Variants in DPP6 observed in about 807,000 individuals in gnomAD.
The protein encoded by DPP6 is A-type potassium channel modulatory protein DPP6.
A neutral mutation model predicts 122.6 loss-of-function variants in DPP6; 69 were observed. The ratio of observed to expected loss-of-function variants is 0.56; its 90% CI spans 0.46 to 0.69. The LOEUF (loss-of-function observed/expected upper bound fraction) is 0.69. Ranked by LOEUF, DPP6 falls within the 30% of genes least tolerant of loss-of-function variation. DPP6 has a pLI of 0.00. For missense variants in DPP6, 928 were observed against 1,116.9 expected, an observed-to-expected ratio of 0.83 and a Z score of 2.41; for synonymous variants, 418 against 433.1, an observed-to-expected ratio of 0.97 and a Z score of 0.43.
At chr7:154,138,007 A>C (rs1460341290) in intron 1 of DPP6, among the ~76,000 whole-genome samples, 1 of 151,974 alleles carries the variant, frequency 6.6e-6, no homozygotes, top group Non-Finnish European at 1.5e-5. Flanking sequence ...GGTCTATCCA[A>C]CCCTAGGGTG....
intron 1 of DPP6, among the ~76,000 whole-genome samples, chr7:154,317,777 C>A (rs528360467): frequency 6.6e-6 from 1 of 152,188 alleles, no homozygotes; most frequent in East Asian, 1.9e-4. Context: ...ATTGTTTTGG[C>A]TTGGCTTGAA....
At chr7:154,302,221 C>A (rs143178226) in intron 1 of DPP6, among the ~76,000 whole-genome samples, 18 of 152,278 alleles carry the variant, frequency 1.2e-4, no homozygotes, top group Non-Finnish European at 2.6e-4. Flanking sequence ...CTACCCTGTT[C>A]CTTTTGCCTC....
rs536742912 is a variant in DPP6, at chr7:154,833,290, G to T, written c.1667-20490G>T. Among the ~76,000 whole-genome samples, 69 of 152,326 alleles carry T rather than the reference G, an allele frequency of 4.5e-4. No homozygotes were observed. Among genetic ancestry groups the T allele is most frequent in the African/African-American group, 1.4e-3 (59 of 41,580 alleles). On this transcript the variant is annotated intron_variant, in intron 16 of 25. Coordinates refer to ENST00000377770, the MANE Select transcript of DPP6 (RefSeq NM_130797.4). This position sits in a 1 kb window ranked among gnomAD's most constrained non-coding sequence, Gnocchi z 4.3. ...CAGCAGGAGGACAGTCAAAGGCAGAGGATGGGATGGCAAGGTGTTTAAGAA... is the reference window on the plus strand; with the variant it reads ...CAGCAGGAGGACAGTCAAAGGCAGATGATGGGATGGCAAGGTGTTTAAGAA...
At chr7:153,874,006 C>T in the DPP6 span, among the ~76,000 whole-genome samples, 1 of 152,308 alleles carries the variant, frequency 6.6e-6, no homozygotes, top group African/African-American at 2.4e-5. Flanking sequence ...ATGGAATTTT[C>T]CTCAGGACGA....
At chr7:153,958,035 G>A (rs1795145916) in intron 1 of DPP6, among the ~76,000 whole-genome samples, 1 of 152,062 alleles carries the variant, frequency 6.6e-6, no homozygotes, top group Non-Finnish European at 1.5e-5. Flanking sequence ...GTGGTGGTGG[G>A]CGTCTGTAAT....
chr7:153,920,850 C>T (rs553694800), intron 1 of DPP6, among the ~76,000 whole-genome samples: 17 of 152,086 alleles, frequency 1.1e-4, no homozygotes, highest in East Asian at 3.9e-4. Context: ...TGAGCCACCG[C>T]GCCTGGCCCT....
the DPP6 span, among the ~76,000 whole-genome samples, chr7:153,808,517 T>C: frequency 5.7e-4 from 87 of 152,154 alleles, no homozygotes; most frequent in Non-Finnish European, 1.0e-3. Context: ...TACAGTGTTA[T>C]ATACATTAGA....
At chr7:154,725,097 T>C (rs1269833671) in intron 7 of DPP6, among the ~76,000 whole-genome samples, 1 of 152,138 alleles carries the variant, frequency 6.6e-6, no homozygotes, top group Admixed American at 6.5e-5. Context: ...AGATTGTGAC[T>C]AGAATAAAGG....
intron 21 of DPP6, among the ~76,000 whole-genome samples, chr7:154,883,152 C>G: frequency 6.7e-6 from 1 of 149,922 alleles, no homozygotes; most frequent in Non-Finnish European, 1.5e-5. Flanking sequence ...CACCCATACA[C>G]ATGCTCACAC....
At chr7:154,534,420 G>T (rs533944723) in intron 3 of DPP6, among the ~76,000 whole-genome samples, 25 of 152,244 alleles carry the variant, frequency 1.6e-4, no homozygotes, top group African/African-American at 5.8e-4. Flanking sequence ...AAGGTACACA[G>T]ATTTGAAAGG....
chr7:154,576,388 C>G (rs1292728999), intron 5 of DPP6, among the ~76,000 whole-genome samples: 3 of 152,126 alleles, frequency 2.0e-5, no homozygotes, highest in African/African-American at 7.2e-5. Flanking sequence ...GCTCCTGAGT[C>G]CCTTCCAAAT....
intron 1 of DPP6, among the ~76,000 whole-genome samples, chr7:153,918,566 G>C (rs898813532): frequency 2.1e-3 from 224 of 104,352 alleles, no homozygotes; most frequent in African/African-American, 2.8e-3. Context: ...CACACACACA[G>C]TCTCTCTCTC....
chr7:154,565,709 G>A (rs1210098427), intron 4 of DPP6, among the ~76,000 whole-genome samples: 1 of 152,136 alleles, frequency 6.6e-6, no homozygotes, highest in Non-Finnish European at 1.5e-5. Flanking sequence ...AATTTTAGTG[G>A]AGACGGAGTT....
At chr7:154,554,201 TTCTG>T (rs1238775738) in intron 4 of DPP6, among the ~76,000 whole-genome samples, 1 of 151,606 alleles carries the variant, frequency 6.6e-6, no homozygotes, top group African/African-American at 2.4e-5. Context: ...GGCCCAAGGG[TTCTG>T]TCTTTCTCAT....
chr7:154,607,579 A>AG (rs1833636574), intron 5 of DPP6, among the ~76,000 whole-genome samples: 1 of 112,648 alleles, frequency 8.9e-6, no homozygotes, highest in African/African-American at 2.8e-5. Flanking sequence ...AAAAAAAAAA[A>AG]AAAAAAAAAG....
At chr7:153,996,405 C>T (rs1319113132) in intron 1 of DPP6, among the ~76,000 whole-genome samples, 6 of 151,970 alleles carry the variant, frequency 3.9e-5, no homozygotes, top group Admixed American at 6.6e-5. Context: ...CTGGGCCTAT[C>T]CTTCAAGGTT....
chr7:154,071,638 G>C (rs1353743163), intron 1 of DPP6, among the ~76,000 whole-genome samples: 1 of 152,166 alleles, frequency 6.6e-6, no homozygotes. Flanking sequence ...CGGCAATCTC[G>C]TTTCATCCAT....
chr7:154,014,623 C>T (rs1203013060), intron 1 of DPP6, among the ~76,000 whole-genome samples: 1 of 151,934 alleles, frequency 6.6e-6, no homozygotes, highest in Admixed American at 6.6e-5. Flanking sequence ...GATTTTGCCA[C>T]TGCACTCGAG....
chr7:154,197,515 T>C (rs1798930244), intron 1 of DPP6, among the ~76,000 whole-genome samples: 1 of 152,144 alleles, frequency 6.6e-6, no homozygotes, highest in South Asian at 2.1e-4. Context: ...AGAGTGTTCC[T>C]GATTTCGCTT....
Sources: gnomAD v4.1 joint callset for allele counts (sites outside exome capture counted in the v4.1 genomes callset) on GRCh38, gnomAD v4.1.1 for gene constraint, Gnocchi (gnomAD v3.1) non-coding constraint, MANE v1.5 for transcripts, NCBI Gene and HGNC (gene_info 2026-07-23, HGNC 2026-07-21) for gene names.